Variants in ABCC4 observed in about 807,000 individuals in gnomAD.
ABCC4 encodes the protein ATP binding cassette subfamily C member 4 (PEL blood group).
In ABCC4, 102 loss-of-function variants were observed where a neutral mutation model predicts 168.5. The observed-to-expected ratio is 0.61, with a 90% CI of 0.52 to 0.71. The LOEUF (loss-of-function observed/expected upper bound fraction) is 0.71. Ranked by LOEUF, ABCC4 falls within the 30% of genes least tolerant of loss-of-function variation. ABCC4 has a pLI of 0.00. For synonymous variants in ABCC4, 617 were observed against 590.7 expected, an observed-to-expected ratio of 1.04 and a Z score of -0.65; for missense variants, 1,402 against 1,605.8, an observed-to-expected ratio of 0.87 and a Z score of 2.17.
intron 1 of ABCC4, among the ~76,000 whole-genome samples, chr13:95,282,408 G>A (rs1164647220): frequency 6.6e-6 from 1 of 152,178 alleles, no homozygotes; most frequent in Non-Finnish European, 1.5e-5. Context: ...AAGAGCAGGG[G>A]TTCTGACAGG....
chr13:95,043,928 T>C, intron 28 of ABCC4, 141 bp from the exon 29 acceptor site: 1 of 638,194 alleles, frequency 1.6e-6, no homozygotes, highest in South Asian at 2.4e-5. Context: ...TAAAATGTTT[T>C]AGGACAATCT....
At chr13:95,273,172 G>A (rs1471479066) in intron 1 of ABCC4, among the ~76,000 whole-genome samples, 1 of 152,184 alleles carries the variant, frequency 6.6e-6, no homozygotes, top group East Asian at 1.9e-4. Flanking sequence ...AATGTTCCCT[G>A]AAACTTCCAA....
intron 30 of ABCC4, among the ~76,000 whole-genome samples, chr13:95,033,979 G>C (rs930268831): frequency 1.3e-5 from 2 of 152,164 alleles, no homozygotes; most frequent in Admixed American, 1.3e-4. Context: ...GCCTCTTATA[G>C]AAGGTGGAGG....
At chr13:95,121,931 T>C (rs2035584807) in intron 19 of ABCC4, among the ~76,000 whole-genome samples, 1 of 152,172 alleles carries the variant, frequency 6.6e-6, no homozygotes, top group Non-Finnish European at 1.5e-5. Flanking sequence ...TCACAGCACT[T>C]TGTAGACCAA....
rs775028292 is a variant in ABCC4 at position 95,301,336 on chromosome 13, G to C, written c.-22C>G. 2 of 1,570,078 alleles carry C rather than the reference G, an allele frequency of 1.3e-6. No individual in the cohort carries two copies. Among genetic ancestry groups the C allele is most frequent in the Non-Finnish European group, 1.7e-6 (2 of 1,159,746 alleles). On this transcript the variant is annotated 5_prime_UTR_variant, in exon 1 of 31. Coordinates refer to ENST00000645237, the MANE Select transcript of ABCC4 (RefSeq NM_005845.5). ...GCATCTTGCCGGGCGGGGCGGGCGCGGGCCGGGGTCGCGCTGATCAGGCGG... is the reference window on the plus strand; with the variant it reads ...GCATCTTGCCGGGCGGGGCGGGCGCCGGCCGGGGTCGCGCTGATCAGGCGG...
chr13:95,126,426 G>A (rs1478663814), intron 19 of ABCC4, among the ~76,000 whole-genome samples: 1 of 152,102 alleles, frequency 6.6e-6, no homozygotes, highest in African/African-American at 2.4e-5. Context: ...TTACCAGTCA[G>A]TGTGCAAAAT....
intron 19 of ABCC4, among the ~76,000 whole-genome samples, chr13:95,151,700 G>T (rs2036695147): frequency 6.6e-6 from 1 of 152,244 alleles, no homozygotes; most frequent in East Asian, 1.9e-4. Context: ...ATTTAAGTTT[G>T]CAAGTCCCTT....
intron 15 of ABCC4, among the ~76,000 whole-genome samples, chr13:95,165,673 A>G (rs1362700892): frequency 1.3e-5 from 2 of 152,324 alleles, no homozygotes; most frequent in East Asian, 3.9e-4. Context: ...CCTAACTAAC[A>G]TAAACCATCT....
intron 20 of ABCC4, among the ~76,000 whole-genome samples, chr13:95,085,222 T>C (rs2034218253): frequency 6.6e-6 from 1 of 151,788 alleles, no homozygotes; most frequent in Non-Finnish European, 1.5e-5. Context: ...GTGGATCACC[T>C]GAGGTCAGGA....
chr13:95,259,775 A>G (rs551334964), intron 1 of ABCC4, among the ~76,000 whole-genome samples: 1 of 152,148 alleles, frequency 6.6e-6, no homozygotes, highest in Non-Finnish European at 1.5e-5. Flanking sequence ...CACCGGTTCA[A>G]TTCCACTCCA....
intron 19 of ABCC4, among the ~76,000 whole-genome samples, chr13:95,130,883 T>C (rs2139450487): frequency 6.6e-6 from 1 of 152,304 alleles, no homozygotes; most frequent in South Asian, 2.1e-4. Flanking sequence ...TAAACTGCTA[T>C]ATGGCATTTC....
At chr13:95,178,412 C>A (rs2037781123) in intron 11 of ABCC4, among the ~76,000 whole-genome samples, 1 of 152,154 alleles carries the variant, frequency 6.6e-6, no homozygotes, top group South Asian at 2.1e-4. Flanking sequence ...AGTGAGTGAC[C>A]TGACAATAAA....
chr13:95,261,881 T>G (rs1015275078), intron 1 of ABCC4, among the ~76,000 whole-genome samples: 1 of 151,664 alleles, frequency 6.6e-6, no homozygotes, highest in Non-Finnish European at 1.5e-5. Flanking sequence ...GGGGATCTCT[T>G]GAGCCCAAAT....
intron 4 of ABCC4, among the ~76,000 whole-genome samples, chr13:95,221,589 C>G (rs897193280): frequency 2.6e-5 from 4 of 150,982 alleles, no homozygotes; most frequent in Non-Finnish European, 5.9e-5. Context: ...AAAAACAAAT[C>G]AATTATGTTT....
chr13:95,171,414 G>A (rs531985044), intron 13 of ABCC4, among the ~76,000 whole-genome samples: 19 of 151,852 alleles, frequency 1.3e-4, no homozygotes, highest in African/African-American at 2.7e-4. Flanking sequence ...AAAATTAGCC[G>A]GGTGTGGTGG....
At chr13:95,150,467 T>A (rs1338466605) in intron 19 of ABCC4, among the ~76,000 whole-genome samples, 1 of 152,090 alleles carries the variant, frequency 6.6e-6, no homozygotes, top group African/African-American at 2.4e-5. Context: ...CTCTCAAAAA[T>A]GTCCTGTTTT....
intron 15 of ABCC4, 33 bp from the exon 16 acceptor site, chr13:95,164,551 C>T (rs1220451764): frequency 5.6e-6 from 9 of 1,612,516 alleles, no homozygotes; most frequent in Non-Finnish European, 7.6e-6. Flanking sequence ...AGAGACAAAA[C>T]AGTATACAAA....
chr13:95,071,561 A>G, intron 25 of ABCC4, 101 bp downstream of exon 25: 1 of 1,035,400 alleles, frequency 9.7e-7, no homozygotes, highest in Non-Finnish European at 1.3e-6. Flanking sequence ...AGGTTAACCT[A>G]CGTATCACTG....
rs986383881 is a variant in ABCC4 at position 95,250,802 on chromosome 13, T to A, written c.75-3049A>T. Among the ~76,000 whole-genome samples, 4 of 124,870 alleles carry A rather than the reference T, an allele frequency of 3.2e-5. No homozygotes were observed. In the East Asian group the frequency reaches 1.0e-3, roughly 33 times the overall value. The allele number at this position is 124,870 out of a possible 152,430, so 81.9% of individuals were successfully genotyped here. A position where few individuals can be genotyped will look rare whatever the true frequency, so the allele number is the denominator to read the frequency against. On this transcript the variant is annotated intron_variant, in intron 1 of 30. Coordinates refer to ENST00000645237, the MANE Select transcript of ABCC4 (RefSeq NM_005845.5). ...TTTTTTGAGATGGAGTCTCACTCTG[T>A]TGCCCAGGCTGGATGGAGTACAGTG...
Sources: gnomAD v4.1 joint callset for allele counts (sites outside exome capture counted in the v4.1 genomes callset) on GRCh38, gnomAD v4.1.1 for gene constraint, MANE v1.5 for transcripts, NCBI Gene and HGNC (gene_info 2026-07-23, HGNC 2026-07-21) for gene names.